ZNF430: variants seen among roughly 807,000 people sequenced by gnomAD.
The protein encoded by ZNF430 is zinc finger protein 430.
In ZNF430, 35 loss-of-function variants were observed where a neutral mutation model predicts 56.7. That is an observed-to-expected ratio of 0.62 (90% CI 0.47 to 0.82). ZNF430 has a LOEUF of 0.82. Ranked by LOEUF, ZNF430 falls within the 40% of genes least tolerant of loss-of-function variation. ZNF430 has a pLI of 0.00. For synonymous variants in ZNF430, 212 were observed against 224.3 expected (o/e 0.94, Z 0.49); for missense variants, 574 against 661.0 (o/e 0.87, Z 1.44).
At chr19:21,039,542 C>A (rs1968066347) in intron 4 of ZNF430, among the ~76,000 whole-genome samples, 1 of 151,436 alleles carries the variant, frequency 6.6e-6, no homozygotes, top group African/African-American at 2.4e-5. Flanking sequence ...TCTTGGCTCA[C>A]TGCAAACTCC....
chr19:21,037,224 C>T (rs1021083426), intron 4 of ZNF430, among the ~76,000 whole-genome samples: 3 of 151,732 alleles, frequency 2.0e-5, no homozygotes, highest in African/African-American at 7.3e-5. Flanking sequence ...AAGCGATTCT[C>T]CTGCCTCAGC....
chr19:21,042,735 C>T (rs1973460345), intron 4 of ZNF430, among the ~76,000 whole-genome samples: 1 of 151,804 alleles, frequency 6.6e-6, no homozygotes, highest in African/African-American at 2.4e-5. Flanking sequence ...TTGCAGTGAG[C>T]CGAGATCGCG....
chr19:21,027,805 A>G (rs1389778800), intron 2 of ZNF430, among the ~76,000 whole-genome samples: 1 of 152,086 alleles, frequency 6.6e-6, no homozygotes, highest in Non-Finnish European at 1.5e-5. Flanking sequence ...TTTCTTACTA[A>G]TTCAATTTTG....
intron 4 of ZNF430, among the ~76,000 whole-genome samples, chr19:21,037,154 A>C (rs1968016036): frequency 1.4e-5 from 2 of 145,470 alleles, no homozygotes; most frequent in Non-Finnish European, 3.0e-5. Flanking sequence ...GTCTCCTGTC[A>C]CCCAGGCTGG....
chr19:21,042,736 C>T (rs868031793), intron 4 of ZNF430, among the ~76,000 whole-genome samples: 3 of 151,624 alleles, frequency 2.0e-5, no homozygotes, highest in East Asian at 3.9e-4. Context: ...TGCAGTGAGC[C>T]GAGATCGCGC....
chr19:21,021,282 A>G (rs1000159168), intron 1 of ZNF430, among the ~76,000 whole-genome samples: 118 of 152,188 alleles, frequency 7.8e-4, no homozygotes, highest in African/African-American at 2.8e-3. Context: ...GCGCATCACT[A>G]AGTCAGGAGA....
Position 21,057,972 on chromosome 19 carries a change from A to T in ZNF430, c.1664A>T (p.Asn555Ile), listed in dbSNP as rs746712834. The change falls in exon 5 of 5, where the codon AAC (asparagine) becomes ATC (isoleucine). Residue 555 changes from asparagine to isoleucine, a missense_variant. Physicochemically the swap from Asn to Ile is moderately radical, Grantham distance 149. Around this residue, in one of 3 missense-constraint regions of ZNF430, gnomAD observed 213 missense variants for 221.0 expected, o/e 0.96. Transcript: ENST00000261560. Reference sequence around the variant, plus strand: ...GGCAAAGCTTTCAACCAGTCCTCAAACCTTATTGAACAAAGTAATTCATAC... The same window carrying T: ...GGCAAAGCTTTCAACCAGTCCTCAATCCTTATTGAACAAAGTAATTCATAC... ...EYGKAFNQSS[N>I]LIEQSNSYWR... is the part of the protein sequence containing the mutation. 9.9e-6 allele frequency: 16 copies of T among 1,609,840 alleles called. No individual in the cohort carries two copies. The Admixed American group carries it at 1.3e-4, about 14-fold the overall frequency.
chr19:21,056,503 T>C (rs1341978493), intron 4 of ZNF430, 128 bp from the exon 5 acceptor site: 5 of 612,378 alleles, frequency 8.2e-6, no homozygotes, highest in African/African-American at 1.9e-5. Flanking sequence ...AAAAAAAAAA[T>C]TAGGGCCTTT....
At chr19:21,040,559 A>G (rs1200477390) in intron 4 of ZNF430, among the ~76,000 whole-genome samples, 1 of 152,238 alleles carries the variant, frequency 6.6e-6, no homozygotes, top group African/African-American at 2.4e-5. Context: ...CCAGAAGCAG[A>G]TACTGGCACA....
Position 21,057,893 on chromosome 19 carries a change from A to G in ZNF430, c.1585A>G (p.Thr529Ala). Residue 529 changes from threonine (T) to alanine (A), a missense_variant, in exon 5 of 5, where the codon ACT becomes GCT. By Grantham distance (58) the Thr-to-Ala change is moderately conservative (BLOSUM62 0). Around this residue, in one of 3 missense-constraint regions of ZNF430, gnomAD observed 213 missense variants for 221.0 expected, o/e 0.96. Transcript: ENST00000261560. Reference sequence around the variant, plus strand: ...AGCCTTTAGCCAGTCTTCAACTCTTACTAAACATAAGGTAATTCATACTGG... The same window carrying G: ...AGCCTTTAGCCAGTCTTCAACTCTTGCTAAACATAAGGTAATTCATACTGG... ...DKAFSQSSTL[T>A]KHKVIHTGEK... 1 of 1,614,042 alleles carries G rather than the reference A, an allele frequency of 6.2e-7. No homozygotes were observed. Among genetic ancestry groups the G allele is most frequent in the African/African-American group, 1.3e-5 (1 of 75,052 alleles).
At chr19:21,037,329 G>A (rs1035850288) in intron 4 of ZNF430, among the ~76,000 whole-genome samples, 1 of 151,556 alleles carries the variant, frequency 6.6e-6, no homozygotes, top group South Asian at 2.1e-4. Context: ...TGTTGGTCAG[G>A]CTGGTCTCAA....
intron 4 of ZNF430, among the ~76,000 whole-genome samples, chr19:21,037,512 C>G (rs1013188169): frequency 1.3e-5 from 2 of 152,096 alleles, no homozygotes; most frequent in Non-Finnish European, 2.9e-5. Context: ...GTTGCTGCAG[C>G]CTTTTAGCTT....
chr19:21,057,271 A>G lies in ZNF430; in HGVS notation c.963A>G (p.Glu321=), dbSNP rs1968396232. Residue 321 remains glutamate, a synonymous_variant, in exon 5 of 5, where the codon GAA becomes GAG. Coordinates refer to ENST00000261560, the MANE Select transcript of ZNF430 (RefSeq NM_025189.4). ...GAGAGAAACCCTACAGATGTGAAGAATGTGGCAGAGCTTTTAACCGGTCCT... is the reference window on the plus strand; with the variant it reads ...GAGAGAAACCCTACAGATGTGAAGAGTGTGGCAGAGCTTTTAACCGGTCCT... ...HTGEKPYRCE[E]CGRAFNRSSH... is the part of the protein sequence containing the mutation. 6.2e-7 allele frequency: 1 copy of G among 1,613,248 alleles called. No homozygotes were observed. The highest frequency in any genetic ancestry group is 1.7e-5 in the Admixed American group (1 of 59,964).
chr19:21,049,876 C>T (rs1968254004), intron 4 of ZNF430, among the ~76,000 whole-genome samples: 1 of 150,802 alleles, frequency 6.6e-6, no homozygotes, highest in Admixed American at 6.6e-5. Context: ...AAGTTCTCAG[C>T]TTTCGTTTTC....
chr19:21,057,458 C>G lies in ZNF430; in HGVS notation c.1150C>G (p.Arg384Gly). The change falls in exon 5 of 5, where the codon CGA (arginine) becomes GGA (glycine). Residue 384 changes from arginine to glycine, a missense_variant. Transcript: ENST00000261560. ...TGAAGAATGTGGCAAAGCTTTTTAC[C>G]GATTCTCATACCTTACTAAACATAA... The part of the protein sequence containing the change: ...KCEECGKAFY[R>G]FSYLTKHKII... 1 of 1,613,244 alleles carries G rather than the reference C, an allele frequency of 6.2e-7. No homozygotes were observed. The highest frequency in any genetic ancestry group is 8.5e-7 in the Non-Finnish European group (1 of 1,179,904).
chr19:21,038,338 G>T (rs1968040473), intron 4 of ZNF430, among the ~76,000 whole-genome samples: 1 of 151,934 alleles, frequency 6.6e-6, no homozygotes, highest in South Asian at 2.1e-4. Flanking sequence ...TATATAAAAG[G>T]TTTCATTTCT....
chr19:21,054,748 C>G (rs1568593072), intron 4 of ZNF430, among the ~76,000 whole-genome samples: 1 of 144,716 alleles, frequency 6.9e-6, no homozygotes, highest in African/African-American at 2.6e-5. Flanking sequence ...CATCTCCGCT[C>G]ACTATAAGCT....
chr19:21,058,975 C>G lies in ZNF430; in HGVS notation c.*954C>G, dbSNP rs1197938512. The G allele has an allele frequency of 1.3e-5, 2 of 152,132 alleles. No homozygotes were observed. Among genetic ancestry groups the G allele is most frequent in the Admixed American group, 1.3e-4 (2 of 15,278 alleles). The allele number at this position is 152,132 out of a possible 1,614,324, so 9.4% of individuals were successfully genotyped here. On this transcript the variant is annotated 3_prime_UTR_variant, in exon 5 of 5. Transcript: ENST00000261560. ...ACACATTTTGTACTAGAAGAAAACT[C>G]TGAAGTAGTTGCTCAAACTTTGTTC...
intron 4 of ZNF430, among the ~76,000 whole-genome samples, chr19:21,056,082 T>A (rs903804282): frequency 6.6e-6 from 1 of 152,244 alleles, no homozygotes; most frequent in South Asian, 2.1e-4. Context: ...TCACTCTCTA[T>A]GTTGTGCTCA....
Sources: gnomAD v4.1 joint callset for allele counts (sites outside exome capture counted in the v4.1 genomes callset) on GRCh38, gnomAD v4.1.1 for gene constraint, gnomAD v4.1.1 regional missense constraint, MANE v1.5 for transcripts, NCBI Gene and HGNC (gene_info 2026-07-23, HGNC 2026-07-21) for gene names.